The following PCDHGB3 variants were observed in gnomAD, a reference collection of about 807,000 sequenced individuals.
PCDHGB3 encodes the protein protocadherin gamma-B3.
Under a neutral mutation model 59.2 loss-of-function variants are expected in PCDHGB3, and 40 were observed. The ratio of observed to expected loss-of-function variants is 0.68; its 90% CI spans 0.52 to 0.88. The LOEUF is 0.88. Among genes scored for constraint, PCDHGB3 ranks in the 40% least tolerant of loss-of-function variants. PCDHGB3 has a pLI of 0.00. For synonymous variants in PCDHGB3, 581 were observed against 503.6 expected (o/e 1.15, Z -2.06); for missense variants, 1,309 against 1,187.9 (o/e 1.10, Z -1.50).
rs543209695 is a variant in PCDHGB3 at position 141,431,563 on chromosome 5, C to T, written c.2415+58754C>T. 24 of 1,614,026 alleles carry T rather than the reference C, an allele frequency of 1.5e-5. No individual in the cohort carries two copies. Among genetic ancestry groups the T allele is most frequent in the Non-Finnish European group, 1.9e-5 (23 of 1,180,046 alleles). ...AGCTGCTTGTAGTCAACGCTACCGA[C>T]CCTGACGAAGGAGTCAATGCGGAAG... On this transcript the variant is annotated intron_variant, in intron 1 of 3. Transcript: ENST00000576222. The surrounding 1 kb of genome is among the most constrained non-coding windows in gnomAD (Gnocchi z 4.8).
intron 1 of PCDHGB3, chr5:141,390,418 A>C (rs2092141411): frequency 9.1e-7 from 1 of 1,099,654 alleles, no homozygotes; most frequent in African/African-American, 1.6e-5. Context: ...TAGTCAGTTA[A>C]AAAGCTGTCA....
rs765185360 is a variant in PCDHGB3, at chr5:141,491,451, C to T, written c.2416-3356C>T. 1.2e-6 allele frequency: 2 copies of T among 1,614,112 alleles called. No individual in the cohort carries two copies. The highest frequency in any genetic ancestry group is 1.1e-5 in the South Asian group (1 of 91,082). On this transcript the variant is annotated intron_variant, in intron 1 of 3. Coordinates refer to ENST00000576222, the MANE Select transcript of PCDHGB3 (RefSeq NM_018924.5). This position sits in a 1 kb window ranked among gnomAD's most constrained non-coding sequence, Gnocchi z 6.9. ...AGTGCTGCAGGCGCCAGGACTCACC[C>T]TCCCCGGACTTCTATAAGCAGTCCA...
At position 141,505,394 on chromosome 5, in the gene PCDHGB3, T is replaced by C; in HGVS notation, c.2476T>C (p.Ser826Pro). 6.2e-7 allele frequency: 1 copy of C among 1,614,110 alleles called. No homozygotes were observed. The highest frequency in any genetic ancestry group is 8.5e-7 in the Non-Finnish European group (1 of 1,180,002). The part of the protein sequence containing the change: ...SQAQRPGTSG[S>P]QNGDDTGTWP... ...CTCACCATCCTACTCTCTCCCCAGC[T>C]CCCAAAATGGCGATGACACCGGCAC... Residue 826 changes from serine (S) to proline (P), a missense_variant and splice_region_variant, in exon 3 of 4, where the codon TCC becomes CCC. By Grantham distance (74) the Ser-to-Pro change is moderately conservative. Coordinates refer to ENST00000576222, the MANE Select transcript of PCDHGB3 (RefSeq NM_018924.5).
chr5:141,393,115 G>C (rs1342924521), intron 1 of PCDHGB3: 42 of 1,613,320 alleles, frequency 2.6e-5, no homozygotes, highest in Non-Finnish European at 3.6e-5. Context: ...CAGAGCCCGC[G>C]GTGTCTGATA....
intron 1 of PCDHGB3, chr5:141,395,150 C>G: frequency 6.2e-7 from 1 of 1,614,162 alleles, no homozygotes; most frequent in Non-Finnish European, 8.5e-7. Flanking sequence ...CAGACATGCT[C>G]ATCAGTCAGG....
At chr5:141,472,176 G>C (rs1416695177) in intron 1 of PCDHGB3, among the ~76,000 whole-genome samples, 3 of 152,144 alleles carry the variant, frequency 2.0e-5, no homozygotes, top group Non-Finnish European at 2.9e-5. Context: ...GTAATATCCA[G>C]TATTGGAATT....
chr5:141,410,142 G>A (rs2095361095), intron 1 of PCDHGB3: 3 of 1,612,612 alleles, frequency 1.9e-6, no homozygotes, highest in East Asian at 2.2e-5. Context: ...GTCGCTGTGC[G>A]TGACGGTGGA....
chr5:141,505,645 G>A (rs997169182), intron 3 of PCDHGB3, 164 bp downstream of exon 3: 2 of 964,274 alleles, frequency 2.1e-6, no homozygotes, highest in African/African-American at 1.8e-5. Flanking sequence ...GCCTGGAATT[G>A]TGGCTAAGGA....
At chr5:141,418,307 A>C (rs372854408) in intron 1 of PCDHGB3, 24 of 1,613,982 alleles carry the variant, frequency 1.5e-5, no homozygotes, top group Non-Finnish European at 2.0e-5. Context: ...CAGCCTGGGG[A>C]TGGGAACAAT....
At chr5:141,422,888 T>C in intron 1 of PCDHGB3, 2 of 1,614,262 alleles carry the variant, frequency 1.2e-6, no homozygotes, top group South Asian at 2.2e-5. Flanking sequence ...CTGTTCGTGC[T>C]GGACCAGAAC....
chr5:141,402,973 C>T (rs779898665), intron 1 of PCDHGB3: 4 of 1,608,044 alleles, frequency 2.5e-6, no homozygotes, highest in Non-Finnish European at 2.5e-6. Context: ...CAACCAAATG[C>T]CAGCTCCGCG....
intron 1 of PCDHGB3, chr5:141,422,273 C>T: frequency 6.4e-7 from 1 of 1,560,808 alleles, no homozygotes; most frequent in Non-Finnish European, 8.6e-7. Flanking sequence ...CCAGAAATAA[C>T]TATCACCTCT....
intron 1 of PCDHGB3, chr5:141,399,718 C>G (rs770212703): frequency 6.2e-7 from 1 of 1,613,308 alleles, no homozygotes; most frequent in Non-Finnish European, 8.5e-7. Context: ...ACTACAGGCC[C>G]GCGACCAGGG....
chr5:141,431,003 G>T lies in PCDHGB3; in HGVS notation c.2415+58194G>T, dbSNP rs2097334899. ...GCTTTTCGCCCTGAATCCGCGCAGC[G>T]GCAGCTTGGTCACGGCGGGCAGGAT... On this transcript the variant is annotated intron_variant, in intron 1 of 3. Coordinates refer to ENST00000576222, the MANE Select transcript of PCDHGB3 (RefSeq NM_018924.5). This position sits in a 1 kb window ranked among gnomAD's most constrained non-coding sequence, Gnocchi z 4.8. 1.9e-6 allele frequency: 3 copies of T among 1,613,960 alleles called. No homozygotes were observed. The highest frequency in any genetic ancestry group is 2.5e-6 in the Non-Finnish European group (3 of 1,179,982).
rs1226194073 is a variant in PCDHGB3, at chr5:141,490,496, A to G, written c.2416-4311A>G. The G allele has an allele frequency of 6.2e-7, 1 of 1,614,096 alleles. No individual in the cohort carries two copies. Among genetic ancestry groups the G allele is most frequent in the East Asian group, 2.2e-5 (1 of 44,894 alleles). On this transcript the variant is annotated intron_variant, in intron 1 of 3. Coordinates refer to ENST00000576222, the MANE Select transcript of PCDHGB3 (RefSeq NM_018924.5). The surrounding 1 kb of genome is among the most constrained non-coding windows in gnomAD (Gnocchi z 5.4). ...CCTTTGGACCGGGAGGCCACATCCCACTATATCATCGAGCTGCTGGCCAGC... is the reference window on the plus strand; with the variant it reads ...CCTTTGGACCGGGAGGCCACATCCCGCTATATCATCGAGCTGCTGGCCAGC...
intron 1 of PCDHGB3, chr5:141,400,710 C>A (rs1480952915): frequency 2.9e-6 from 2 of 693,672 alleles, no homozygotes; most frequent in Non-Finnish European, 4.8e-6. Context: ...AAAGAAGTAG[C>A]CTTATAGATT....
chr5:141,453,144 C>T lies in PCDHGB3; in HGVS notation c.2416-41663C>T, dbSNP rs530175947. ...TTGTTTTGTTTTTGAGATAGGGTCT[C>T]GCTATGTCACCCAGGCTGGAGTCCA... On this transcript the variant is annotated intron_variant, in intron 1 of 3. Transcript: ENST00000576222. Among the ~76,000 whole-genome samples, 290 of 152,062 alleles carry T rather than the reference C, an allele frequency of 1.9e-3. 1 individual carries two copies. The highest frequency in any genetic ancestry group is 6.3e-3 in the African/African-American group (260 of 41,478).
Position 141,491,498 on chromosome 5 carries a change from C to T in PCDHGB3, c.2416-3309C>T, listed in dbSNP as rs975297143. 2 of 1,614,102 alleles carry T rather than the reference C, an allele frequency of 1.2e-6. No homozygotes were observed. Among genetic ancestry groups the T allele is most frequent in the Non-Finnish European group, 1.7e-6 (2 of 1,180,018 alleles). ...TCCAGCCCCAACCTGCAGGTGAGCT[C>T]GGACGGCACGCTCAAGTACATGGAG... On this transcript the variant is annotated intron_variant, in intron 1 of 3. Transcript: ENST00000576222. The surrounding 1 kb of genome is among the most constrained non-coding windows in gnomAD (Gnocchi z 6.9).
intron 1 of PCDHGB3, among the ~76,000 whole-genome samples, chr5:141,492,574 G>T (rs2099742096): frequency 6.6e-6 from 1 of 152,232 alleles, no homozygotes; most frequent in Non-Finnish European, 1.5e-5. Flanking sequence ...TGAGCGAGGC[G>T]CGGGGCCAGG....
Sources: allele counts gnomAD v4.1 joint callset (sites outside exome capture counted in the v4.1 genomes callset), GRCh38; gene constraint gnomAD v4.1.1; non-coding constraint Gnocchi (gnomAD v3.1); transcripts MANE v1.5; gene names NCBI Gene and HGNC (gene_info 2026-07-23, HGNC 2026-07-21).